The following CCL28 variants were observed in gnomAD, a reference collection of about 807,000 sequenced individuals.
The protein encoded by CCL28 is C-C motif chemokine 28.
In CCL28, 4 loss-of-function variants were observed where a neutral mutation model predicts 7.1. That is an observed-to-expected ratio of 0.56 (90% CI 0.28 to 1.29). The LOEUF (loss-of-function observed/expected upper bound fraction) is 1.29, where lower values mean the gene tolerates loss of function less well. Among genes scored for constraint, CCL28 ranks in the 50% most tolerant of loss-of-function variants. CCL28 has a pLI of 0.11. For missense variants in CCL28, 151 were observed against 163.4 expected (o/e 0.92, Z 0.41); for synonymous variants, 55 against 57.8 (o/e 0.95, Z 0.22).
At chr5:43,392,972 C>G (rs1025785318) in intron 1 of CCL28, among the ~76,000 whole-genome samples, 7 of 152,130 alleles carry the variant, frequency 4.6e-5, no homozygotes, top group Non-Finnish European at 1.0e-4. Context: ...CTCCCATAGT[C>G]AGATATCATA....
In CCL28 at chr5:43,379,895, G is replaced by A. The variant is rs1740035165; in HGVS notation, c.*1965C>T. On this transcript the variant is annotated 3_prime_UTR_variant, in exon 3 of 3. Transcript: ENST00000361115. ...AGCACTTTGGGAGGCACAGGCGGGT[G>A]GTTCACTTGAGGTCAAGAGTTTGAG... 6.6e-6 allele frequency: 1 copy of A among 152,166 alleles called. No homozygotes were observed. The highest frequency in any genetic ancestry group is 6.5e-5 in the Admixed American group (1 of 15,268). The allele number at this position is 152,166 out of a possible 1,614,324, so 9.4% of individuals were successfully genotyped here.
At chr5:43,362,060 G>T in the CCL28 span, among the ~76,000 whole-genome samples, 4 of 152,052 alleles carry the variant, frequency 2.6e-5, no homozygotes, top group Non-Finnish European at 5.9e-5. Context: ...GATAGAAATA[G>T]CATTGAATCT....
At chr5:43,386,573 G>C (rs1163212190) in intron 2 of CCL28, among the ~76,000 whole-genome samples, 1 of 152,152 alleles carries the variant, frequency 6.6e-6, no homozygotes, top group Non-Finnish European at 1.5e-5. Flanking sequence ...CTGACCCTGA[G>C]TGTGACCTTT....
At chr5:43,382,576 G>C (rs1178849194) in intron 2 of CCL28, among the ~76,000 whole-genome samples, 1 of 152,066 alleles carries the variant, frequency 6.6e-6, no homozygotes, top group Non-Finnish European at 1.5e-5. Context: ...ACTTTATTCT[G>C]TCTTTTATCT....
At chr5:43,392,886 T>C (rs2111791214) in intron 1 of CCL28, among the ~76,000 whole-genome samples, 1 of 152,314 alleles carries the variant, frequency 6.6e-6, no homozygotes, top group South Asian at 2.1e-4. Flanking sequence ...AAATATTTTC[T>C]CCCCCTTGGT....
At chr5:43,392,697 T>C (rs902326069) in intron 1 of CCL28, among the ~76,000 whole-genome samples, 1 of 152,200 alleles carries the variant, frequency 6.6e-6, no homozygotes, top group Non-Finnish European at 1.5e-5. Context: ...GGGGTTGAAA[T>C]TGTACCTTAA....
chr5:43,403,555 G>A (rs1020167201), intron 1 of CCL28, among the ~76,000 whole-genome samples: 2 of 152,124 alleles, frequency 1.3e-5, no homozygotes, highest in African/African-American at 4.8e-5. Context: ...CCACAAAAAT[G>A]GAGAAAAAAC....
chr5:43,369,067 AGAGAG>A, the CCL28 span, among the ~76,000 whole-genome samples: 2 of 147,756 alleles, frequency 1.4e-5, no homozygotes, highest in East Asian at 3.9e-4. Flanking sequence ...AGAGAGAGAG[AGAGAG>A]AGAGAGAGAG....
At chr5:43,358,658 G>A in the CCL28 span, among the ~76,000 whole-genome samples, 1 of 152,198 alleles carries the variant, frequency 6.6e-6, no homozygotes, top group Admixed American at 6.5e-5. Flanking sequence ...CACCAAAACG[G>A]AGGTAATAGT....
At chr5:43,402,896 C>T (rs1390026836) in intron 1 of CCL28, among the ~76,000 whole-genome samples, 1 of 152,258 alleles carries the variant, frequency 6.6e-6, no homozygotes, top group Non-Finnish European at 1.5e-5. Flanking sequence ...CCCACACCCA[C>T]AGAGCCTCGC....
chr5:43,364,393 T>C, the CCL28 span, among the ~76,000 whole-genome samples: 1 of 152,098 alleles, frequency 6.6e-6, no homozygotes, highest in East Asian at 1.9e-4. Flanking sequence ...TGTATTTTTT[T>C]GAGTATGCTA....
intron 1 of CCL28, among the ~76,000 whole-genome samples, chr5:43,390,603 T>C (rs1214432643): frequency 1.3e-5 from 2 of 152,204 alleles, no homozygotes; most frequent in African/African-American, 4.8e-5. Flanking sequence ...GTCAGCTCTC[T>C]GGAGAAGTGG....
At chr5:43,398,076 G>C (rs1329995611) in intron 1 of CCL28, among the ~76,000 whole-genome samples, 1 of 152,140 alleles carries the variant, frequency 6.6e-6, no homozygotes, top group Non-Finnish European at 1.5e-5. Context: ...TCAAGTGATT[G>C]TCACATCAGT....
chr5:43,397,257 ACCGCGGGCTGCCCTT>A (rs1740850975), intron 1 of CCL28: 1 of 151,760 alleles, frequency 6.6e-6, no homozygotes, highest in Admixed American at 6.5e-5. Context: ...GGCCTAGCCT[ACCGCGGGCTGCCCTT>A]CACAGAGCTG....
chr5:43,399,014 T>G (rs1019556230), intron 1 of CCL28, among the ~76,000 whole-genome samples: 5 of 152,230 alleles, frequency 3.3e-5, no homozygotes, highest in Non-Finnish European at 5.9e-5. Context: ...AAAATGTGTT[T>G]TTTTAGCTCT....
chr5:43,378,267 C>T (rs968293489), downstream of CCL28, among the ~76,000 whole-genome samples: 8 of 151,992 alleles, frequency 5.3e-5, no homozygotes, highest in Non-Finnish European at 7.4e-5. Flanking sequence ...AAAAGGATTG[C>T]TTGAGCTCAA....
intron 2 of CCL28, 40 bp downstream of exon 2, chr5:43,388,310 C>A: frequency 6.2e-7 from 1 of 1,607,970 alleles, no homozygotes; most frequent in Non-Finnish European, 8.5e-7. Flanking sequence ...GGGAAATAAT[C>A]ACTGTGCAGG....
At chr5:43,410,060 C>G (rs542292736) in intron 1 of CCL28, among the ~76,000 whole-genome samples, 5 of 152,350 alleles carry the variant, frequency 3.3e-5, no homozygotes, top group East Asian at 3.9e-4. Flanking sequence ...GATAAGGGAA[C>G]AGCTTTCTGC....
chr5:43,361,864 T>A, the CCL28 span, among the ~76,000 whole-genome samples: 1 of 152,144 alleles, frequency 6.6e-6, no homozygotes, highest in Non-Finnish European at 1.5e-5. Flanking sequence ...TCTTTTTTTT[T>A]TTTGTACCAG....
Sources: allele counts gnomAD v4.1 joint callset (sites outside exome capture counted in the v4.1 genomes callset), GRCh38; gene constraint gnomAD v4.1.1; transcripts MANE v1.5; gene names NCBI Gene and HGNC (gene_info 2026-07-23, HGNC 2026-07-21).